Variants in ALAS1 observed in about 807,000 individuals in gnomAD.
The protein encoded by ALAS1 is 5'-aminolevulinate synthase 1.
Under a neutral mutation model 59.6 loss-of-function variants are expected in ALAS1, and 29 were observed. The ratio of observed to expected loss-of-function variants is 0.49; its 90% CI spans 0.36 to 0.66. The LOEUF (loss-of-function observed/expected upper bound fraction) is 0.66, where lower values mean the gene tolerates loss of function less well. Ranked by LOEUF, ALAS1 falls within the 30% of genes least tolerant of loss-of-function variation. The pLI, the probability that ALAS1 is intolerant of heterozygous loss-of-function variation, is 0.00. For missense variants in ALAS1, 690 were observed against 807.5 expected, an observed-to-expected ratio of 0.85 and a Z score of 1.76; for synonymous variants, 299 against 296.6, an observed-to-expected ratio of 1.01 and a Z score of -0.08.
At chr3:52,212,790 C>T (rs1432013803) in intron 11 of ALAS1, among the ~76,000 whole-genome samples, 1 of 152,196 alleles carries the variant, frequency 6.6e-6, no homozygotes, top group African/African-American at 2.4e-5. Context: ...CTCAGCCTTC[C>T]AAAGTGCTGG....
intron 3 of ALAS1, 108 bp downstream of exon 3, chr3:52,199,548 T>A (rs72955288): frequency 9.5e-7 from 1 of 1,053,712 alleles, no homozygotes; most frequent in Admixed American, 2.4e-5. Context: ...CACAGAGGGC[T>A]GCTATGTGCA....
At chr3:52,206,405 A>G (rs375468383) in intron 7 of ALAS1, among the ~76,000 whole-genome samples, 167 bp from the exon 8 acceptor site, 4 of 152,222 alleles carry the variant, frequency 2.6e-5, no homozygotes, top group African/African-American at 7.2e-5. Context: ...CCTTCTCACA[A>G]GGGAAGCACT....
intron 8 of ALAS1, 80 bp downstream of exon 8, chr3:52,206,831 T>C: frequency 1.3e-6 from 2 of 1,498,856 alleles, no homozygotes; most frequent in Non-Finnish European, 1.8e-6. Context: ...TGTTTTGTTG[T>C]GTTTTTTAAT....
At position 52,202,703 on chromosome 3, in the gene ALAS1, G is replaced by A. The variant is rs745760920; in HGVS notation, c.396G>A (p.Glu132=). 1.9e-6 allele frequency: 3 copies of A among 1,614,086 alleles called. No homozygotes were observed. The highest frequency in any genetic ancestry group is 2.5e-6 in the Non-Finnish European group (3 of 1,179,992). Residue 132 remains glutamate, a synonymous_variant, in exon 4 of 12, where the codon GAG becomes GAA. Transcript: ENST00000484952. ...GCAAAGCCAGTCTTGAGCTTCAGGAGGATGTGCAGGAAATGAATGCCGTGA... is the reference window on the plus strand; with the variant it reads ...GCAAAGCCAGTCTTGAGCTTCAGGAAGATGTGCAGGAAATGAATGCCGTGA... ...VFCKASLELQ[E]DVQEMNAVRK... is the part of the protein sequence containing the mutation.
chr3:52,203,863 A>G lies in ALAS1; in HGVS notation c.428A>G (p.Glu143Gly), dbSNP rs780928694. 1.3e-6 allele frequency: 2 copies of G among 1,575,614 alleles called. No homozygotes were observed. Among genetic ancestry groups the G allele is most frequent in the Non-Finnish European group, 1.7e-6 (2 of 1,161,728 alleles). The change falls in exon 5 of 12, where the codon GAG becomes GGG. Residue 143 changes from glutamate to glycine, a missense_variant and splice_region_variant. By Grantham distance (98) the Glu-to-Gly change is moderately conservative (BLOSUM62 -2). Transcript: ENST00000484952. The part of the protein sequence containing the change: ...DVQEMNAVRK[E>G]VAETSAGPSV... ...TTGTTTCTTGTTACTTTTGTTCCAG[A>G]GGTTGCTGAAACCTCAGCAGGCCCC...
At position 52,198,860 on chromosome 3, in the gene ALAS1, T is replaced by C. The variant is rs1216069656; in HGVS notation, c.-33+12T>C. On this transcript the variant is annotated intron_variant, in intron 2 of 11. Coordinates refer to ENST00000484952, the MANE Select transcript of ALAS1 (RefSeq NM_000688.6). ...TTCTCCACCTAGATGTAAGCCAAGA[T>C]GTCTTATCTGCACTGTGCATCTCCC... The C allele has an allele frequency of 6.5e-7, 1 of 1,535,688 alleles. No homozygotes were observed. Among genetic ancestry groups the C allele is most frequent in the Admixed American group, 2.0e-5 (1 of 51,000 alleles).
At chr3:52,212,442 G>C in intron 11 of ALAS1, 22 bp downstream of exon 11, 1 of 1,613,562 alleles carries the variant, frequency 6.2e-7, no homozygotes, top group Non-Finnish European at 8.5e-7. Context: ...GGGAGCTGCT[G>C]GTGCCTCACT....
At position 52,213,914 on chromosome 3, in the gene ALAS1, A is replaced by T. The variant is rs560101710; in HGVS notation, c.1763-106A>T. On this transcript the variant is annotated intron_variant, in intron 11 of 11. Coordinates refer to ENST00000484952, the MANE Select transcript of ALAS1 (RefSeq NM_000688.6). ...TTGTTTCTCTTGTTAACTATTATGA[A>T]TAATGCTGCTATGAACATTTGTGTA... 1.9e-5 allele frequency: 20 copies of T among 1,038,692 alleles called. No individual in the cohort carries two copies. The East Asian group carries it at 5.2e-4, about 27-fold the overall frequency. 64.3% of individuals were successfully genotyped at this position (1,038,692 alleles called of 1,614,324 possible). A position where few individuals can be genotyped will look rare whatever the true frequency, so the allele number is the denominator to read the frequency against.
In ALAS1 at chr3:52,202,526, C is replaced by G; in HGVS notation, c.219C>G (p.Ala73=). The G allele has an allele frequency of 6.2e-7, 1 of 1,613,480 alleles. No homozygotes were observed. The highest frequency in any genetic ancestry group is 1.7e-5 in the Admixed American group (1 of 60,018). ...PASEKDKTAK[A]KVQQTPDGSQ... is the part of the protein sequence containing the mutation. ...CCTCAGAAGACAAAACTGCTAAGGC[C>G]AAGGTCCAACAGACTCCTGATGGAT... The change falls in exon 4 of 12, where the codon GCC becomes GCG. Residue 73 remains alanine (A), a synonymous_variant. Transcript: ENST00000484952.
chr3:52,198,444 C>T (rs1042084018), intron 1 of ALAS1, among the ~76,000 whole-genome samples, 189 bp downstream of exon 1: 25 of 152,226 alleles, frequency 1.6e-4, no homozygotes, highest in African/African-American at 6.0e-4. Flanking sequence ...CTTTCGGCCC[C>T]TTCCGGCTAT....
At chr3:52,198,342 G>C (rs112304502) in intron 1 of ALAS1, 87 bp downstream of exon 1, 270 of 406,610 alleles carry the variant, frequency 6.6e-4, no homozygotes, top group Middle Eastern at 5.0e-3. Flanking sequence ...CGGGTGCTGG[G>C]ACCCCATCCC....
At chr3:52,209,679 A>G (rs903425128) in intron 9 of ALAS1, among the ~76,000 whole-genome samples, 1 of 152,204 alleles carries the variant, frequency 6.6e-6, no homozygotes, top group East Asian at 1.9e-4. Flanking sequence ...GTTAAGATCT[A>G]TGAAGACTCT....
chr3:52,211,790 G>A (rs1183377049), intron 10 of ALAS1, among the ~76,000 whole-genome samples: 1 of 152,166 alleles, frequency 6.6e-6, no homozygotes. Flanking sequence ...ACCTTAACAG[G>A]GTAAACACAG....
chr3:52,211,206 G>T lies in ALAS1; in HGVS notation c.1331-77G>T, dbSNP rs1375872235. On this transcript the variant is annotated intron_variant, in intron 9 of 11. Coordinates refer to ENST00000484952, the MANE Select transcript of ALAS1 (RefSeq NM_000688.6). Reference sequence around the variant, plus strand: ...TAAGGAGAAAAGTCAGTGCTTTGAGGCTCCACAACACCTTGCTGTGTCCAT... The same window carrying T: ...TAAGGAGAAAAGTCAGTGCTTTGAGTCTCCACAACACCTTGCTGTGTCCAT... 6 of 1,523,482 alleles carry T rather than the reference G, an allele frequency of 3.9e-6. No individual in the cohort carries two copies. In the African/African-American group the frequency reaches 8.2e-5, roughly 21 times the overall value. The allele number at this position is 1,523,482 out of a possible 1,614,324, so 94.4% of individuals were successfully genotyped here.
intron 6 of ALAS1, 29 bp downstream of exon 6, chr3:52,204,944 CTGT>C: frequency 1.9e-6 from 3 of 1,575,202 alleles, no homozygotes; most frequent in Non-Finnish European, 2.6e-6. Context: ...TCAAATATTA[CTGT>C]TGTTATTTGG....
In ALAS1 at chr3:52,199,452, T is replaced by C; in HGVS notation, c.199+12T>C. The stretch of plus-strand genomic sequence containing the variant: ...TCCGGCCAGTGAGAGTAAGTGTCAT[T>C]GACAATGAAGGAGCAGGTATGGGTG... On this transcript the variant is annotated intron_variant, in intron 3 of 11. Coordinates refer to ENST00000484952, the MANE Select transcript of ALAS1 (RefSeq NM_000688.6). The C allele has an allele frequency of 6.2e-7, 1 of 1,610,988 alleles. No individual in the cohort carries two copies. The highest frequency in any genetic ancestry group is 1.1e-5 in the South Asian group (1 of 90,976).
intron 7 of ALAS1, among the ~76,000 whole-genome samples, chr3:52,206,275 A>C (rs1349767612): frequency 6.6e-6 from 1 of 152,222 alleles, no homozygotes; most frequent in Non-Finnish European, 1.5e-5. Context: ...TTGTATTCTA[A>C]GATGATCCTT....
intron 3 of ALAS1, 28 bp downstream of exon 3, chr3:52,199,468 G>GGT (rs757455604): frequency 6.2e-7 from 1 of 1,602,154 alleles, no homozygotes; most frequent in Admixed American, 1.7e-5. Flanking sequence ...TGAAGGAGCA[G>GGT]GTATGGGTGT....
In ALAS1 at chr3:52,199,207, C is replaced by A. The variant is rs774896720; in HGVS notation, c.-32-3C>A. The A allele has an allele frequency of 1.9e-5, 30 of 1,613,714 alleles. No homozygotes were observed. The African/African-American group carries it at 3.3e-4, about 18-fold the overall frequency. Reference sequence around the variant, plus strand: ...AACAACTGTTGATGTCACTCTTCATCAGTCTTTCCACAGGAGCCAGCATAC... The same window carrying A: ...AACAACTGTTGATGTCACTCTTCATAAGTCTTTCCACAGGAGCCAGCATAC... On this transcript the variant is annotated splice_polypyrimidine_tract_variant and splice_region_variant and intron_variant, in intron 2 of 11. Transcript: ENST00000484952.
Sources: gnomAD v4.1 joint callset for allele counts (sites outside exome capture counted in the v4.1 genomes callset) on GRCh38, gnomAD v4.1.1 for gene constraint, MANE v1.5 for transcripts, NCBI Gene and HGNC (gene_info 2026-07-23, HGNC 2026-07-21) for gene names.